The following KCTD16 variants were observed in gnomAD, a reference collection of about 807,000 sequenced individuals.
The protein encoded by KCTD16 is potassium channel tetramerization domain containing 16.
A neutral mutation model predicts 33.2 loss-of-function variants in KCTD16; 13 were observed. The ratio of observed to expected loss-of-function variants is 0.39; its 90% CI spans 0.25 to 0.62. The LOEUF (loss-of-function observed/expected upper bound fraction) is 0.62. Ranked by LOEUF, KCTD16 falls within the 20% of genes least tolerant of loss-of-function variation. The pLI is 0.50. For missense variants in KCTD16, 441 were observed against 525.1 expected, an observed-to-expected ratio of 0.84 and a Z score of 1.57; for synonymous variants, 197 against 195.3, an observed-to-expected ratio of 1.01 and a Z score of -0.07.
rs542336407 is a variant in KCTD16, at chr5:144,331,802, T to G, written c.832+124256T>G. Among the ~76,000 whole-genome samples, 472 of 152,322 alleles carry G rather than the reference T, an allele frequency of 3.1e-3. 6 individuals are homozygous for G. Among genetic ancestry groups the G allele is most frequent in the African/African-American group, 0.011 (446 of 41,564 alleles). ...TGAAGAGGGATGCACTGAATGTGAT[T>G]ATCTATAAAAGTGCTTTGGTGCCCT... is the stretch of plus-strand genomic sequence containing the variant. On this transcript the variant is annotated intron_variant, in intron 3 of 3. Transcript: ENST00000512467.
intron 3 of KCTD16, among the ~76,000 whole-genome samples, chr5:144,223,337 A>C (rs1396012516): frequency 1.3e-5 from 2 of 152,176 alleles, no homozygotes; most frequent in Non-Finnish European, 2.9e-5. Context: ...AAAGTTAAAA[A>C]TATGTACTAT....
intron 3 of KCTD16, among the ~76,000 whole-genome samples, chr5:144,305,264 A>T (rs1390866345): frequency 6.6e-6 from 1 of 152,188 alleles, no homozygotes; most frequent in East Asian, 1.9e-4. Flanking sequence ...CAATGTTGAT[A>T]GGAAGATCTA....
chr5:144,287,215 G>T (rs1231623709), intron 3 of KCTD16, among the ~76,000 whole-genome samples: 2 of 152,150 alleles, frequency 1.3e-5, no homozygotes, highest in Non-Finnish European at 2.9e-5. Context: ...GAAAGTCTCT[G>T]AGTCAAAATT....
chr5:144,332,115 A>G (rs578185855), intron 3 of KCTD16, among the ~76,000 whole-genome samples: 2 of 152,308 alleles, frequency 1.3e-5, no homozygotes, highest in East Asian at 3.9e-4. Context: ...CTCTAAAATG[A>G]CAAAAGAGGA....
At chr5:144,317,191 T>C (rs1751942325) in intron 3 of KCTD16, among the ~76,000 whole-genome samples, 1 of 151,932 alleles carries the variant, frequency 6.6e-6, no homozygotes. Flanking sequence ...GGCAACCAAG[T>C]CTTCAAAACA....
At chr5:144,323,888 G>A (rs1393103141) in intron 3 of KCTD16, among the ~76,000 whole-genome samples, 2 of 152,128 alleles carry the variant, frequency 1.3e-5, no homozygotes, top group African/African-American at 4.8e-5. Context: ...TTGAATTCAA[G>A]ATGTAGGAGC....
intron 3 of KCTD16, among the ~76,000 whole-genome samples, chr5:144,386,143 A>G (rs1445419185): frequency 6.6e-6 from 1 of 152,216 alleles, no homozygotes; most frequent in East Asian, 1.9e-4. Flanking sequence ...AGCAAGGCAA[A>G]TAATCTTTAA....
In KCTD16 at chr5:144,245,514, G is replaced by T. The variant is rs953687434; in HGVS notation, c.832+37968G>T. 2.0e-5 allele frequency among the ~76,000 whole-genome samples: 3 copies of T among 152,148 alleles called. No homozygotes were observed. In the East Asian group the frequency reaches 5.8e-4, roughly 29 times the overall value. On this transcript the variant is annotated intron_variant, in intron 3 of 3. Coordinates refer to ENST00000512467, the MANE Select transcript of KCTD16 (RefSeq NM_020768.4). ...TGACATGTCTGAAGAACTCAAAAGG[G>T]TCCAGAATGGGAGGAAAGCAGAGGA...
chr5:144,260,702 A>G (rs1291411082), intron 3 of KCTD16, among the ~76,000 whole-genome samples: 2 of 152,166 alleles, frequency 1.3e-5, no homozygotes, highest in Non-Finnish European at 1.5e-5. Flanking sequence ...GCAAGTGTAT[A>G]ATTGGTGTAG....
rs145774814 is a variant in KCTD16, at chr5:144,224,811, T to C, written c.832+17265T>C. 4.2e-3 allele frequency among the ~76,000 whole-genome samples: 635 copies of C among 152,304 alleles called. 4 individuals are homozygous for C. The highest frequency in any genetic ancestry group is 0.015 in the African/African-American group (609 of 41,560). On this transcript the variant is annotated intron_variant, in intron 3 of 3. Transcript: ENST00000512467. ...TCATAGCTATCCTTACTGAATGCTA[T>C]GTCCTGTGTCAAGTGTTCCTCATTT...
intron 3 of KCTD16, among the ~76,000 whole-genome samples, chr5:144,240,534 G>C (rs1754374689): frequency 6.6e-6 from 1 of 152,102 alleles, no homozygotes; most frequent in South Asian, 2.1e-4. Flanking sequence ...AAACTGAGAA[G>C]TTAAATCTCA....
chr5:144,223,912 G>A (rs1016087391), intron 3 of KCTD16, among the ~76,000 whole-genome samples: 1 of 151,854 alleles, frequency 6.6e-6, no homozygotes, highest in African/African-American at 2.4e-5. Flanking sequence ...GGTCCTTGGG[G>A]CAATTCCAGG....
chr5:144,325,212 A>G, intron 3 of KCTD16, among the ~76,000 whole-genome samples: 1 of 152,178 alleles, frequency 6.6e-6, no homozygotes. Flanking sequence ...GCACAGACAC[A>G]CATATACACA....
intron 3 of KCTD16, among the ~76,000 whole-genome samples, chr5:144,288,817 G>A (rs1200728484): frequency 6.6e-6 from 1 of 152,018 alleles, no homozygotes; most frequent in Non-Finnish European, 1.5e-5. Flanking sequence ...TAAAAATACA[G>A]AAAGTTAGCT....
rs182884638 is a variant in KCTD16, at chr5:144,296,496, G to A, written c.832+88950G>A. Reference sequence around the variant, plus strand: ...CAGTTCTCTGGGGGCCAGTGGATTAGAAAAGTAAGAATGTTCTATAGATAT... The same window carrying A: ...CAGTTCTCTGGGGGCCAGTGGATTAAAAAAGTAAGAATGTTCTATAGATAT... On this transcript the variant is annotated intron_variant, in intron 3 of 3. Coordinates refer to ENST00000512467, the MANE Select transcript of KCTD16 (RefSeq NM_020768.4). 2.6e-5 allele frequency among the ~76,000 whole-genome samples: 4 copies of A among 152,222 alleles called. No individual in the cohort carries two copies. In the East Asian group the frequency reaches 7.7e-4, roughly 29 times the overall value.
intron 3 of KCTD16, among the ~76,000 whole-genome samples, chr5:144,256,378 C>CT (rs1416914285): frequency 2.0e-5 from 3 of 152,116 alleles, no homozygotes; most frequent in Admixed American, 1.3e-4. Flanking sequence ...CTGTTTGCTT[C>CT]TTTTTTTCCC....
Position 144,220,309 on chromosome 5 carries a change from T to G in KCTD16, c.832+12763T>G, listed in dbSNP as rs1315735278. On this transcript the variant is annotated intron_variant, in intron 3 of 3. Transcript: ENST00000512467. ...CTATTCAGTACCTTGTTTGTTTCCATCCTCGTACTGTTCACATGTGTAACT... is the reference window on the plus strand; with the variant it reads ...CTATTCAGTACCTTGTTTGTTTCCAGCCTCGTACTGTTCACATGTGTAACT... Among the ~76,000 whole-genome samples, 3 of 152,232 alleles carry G rather than the reference T, an allele frequency of 2.0e-5. No individual in the cohort carries two copies. The South Asian group carries it at 6.2e-4, about 32-fold the overall frequency.
At chr5:144,359,502 G>A (rs1751654780) in intron 3 of KCTD16, among the ~76,000 whole-genome samples, 1 of 151,998 alleles carries the variant, frequency 6.6e-6, no homozygotes, top group African/African-American at 2.4e-5. Context: ...GAAGTTTGCT[G>A]TGTGTGTTAT....
chr5:144,389,247 G>A (rs926629279), intron 3 of KCTD16, among the ~76,000 whole-genome samples: 2 of 152,176 alleles, frequency 1.3e-5, no homozygotes, highest in African/African-American at 4.8e-5. Context: ...AGCAGTTTGT[G>A]GCCTATTAGG....
Sources: allele counts gnomAD v4.1 joint callset (sites outside exome capture counted in the v4.1 genomes callset), GRCh38; gene constraint gnomAD v4.1.1; transcripts MANE v1.5; gene names NCBI Gene and HGNC (gene_info 2026-07-23, HGNC 2026-07-21).